The following PCDHGB1 variants were observed in gnomAD, a reference collection of about 807,000 sequenced individuals.
PCDHGB1 encodes protocadherin gamma-B1.
In PCDHGB1, 34 loss-of-function variants were observed where a neutral mutation model predicts 56.6. The ratio of observed to expected loss-of-function variants is 0.60; its 90% CI spans 0.46 to 0.80. The LOEUF (loss-of-function observed/expected upper bound fraction) is 0.80. Ranked by LOEUF, PCDHGB1 falls within the 30% of genes least tolerant of loss-of-function variation. The pLI is 0.00. For missense variants in PCDHGB1, 1,278 were observed against 1,204.6 expected, an observed-to-expected ratio of 1.06 and a Z score of -0.90; for synonymous variants, 561 against 505.9, an observed-to-expected ratio of 1.11 and a Z score of -1.46.
At chr5:141,424,540 T>G (rs944656560) in intron 1 of PCDHGB1, 1 of 152,244 alleles carries the variant, frequency 6.6e-6, no homozygotes, top group Admixed American at 6.5e-5. Flanking sequence ...TAGAAATAAC[T>G]TGATTTTGAT....
intron 1 of PCDHGB1, among the ~76,000 whole-genome samples, chr5:141,469,882 G>A (rs760102003): frequency 2.6e-5 from 4 of 152,280 alleles, no homozygotes; most frequent in Non-Finnish European, 4.4e-5. Context: ...TGTAATCTCG[G>A]CACTTTGGGA....
chr5:141,406,288 G>A (rs72790038), intron 1 of PCDHGB1, among the ~76,000 whole-genome samples: 9,719 of 151,928 alleles, frequency 0.064, 366 homozygotes, highest in African/African-American at 0.1. Context: ...CCAAAGCACT[G>A]GGTGAGGTGT....
Position 141,400,778 on chromosome 5 carries a change from T to A in PCDHGB1, c.2409+48109T>A, listed in dbSNP as rs1589424490. ...TCTCTAGCAAAAACATTTGGTGCGT[T>A]TTTTTGTCCTCTTTCTCAAAGCTAA... On this transcript the variant is annotated intron_variant, in intron 1 of 3. Coordinates refer to ENST00000523390, the MANE Select transcript of PCDHGB1 (RefSeq NM_018922.3). 6 of 568,120 alleles carry A rather than the reference T, an allele frequency of 1.1e-5. No individual in the cohort carries two copies. The East Asian group carries it at 1.7e-4, about 16-fold the overall frequency. 35.2% of individuals were successfully genotyped at this position (568,120 alleles called of 1,614,324 possible).
chr5:141,422,976 G>A lies in PCDHGB1; in HGVS notation c.2409+70307G>A, dbSNP rs558006468. On this transcript the variant is annotated intron_variant, in intron 1 of 3. Transcript: ENST00000523390. The stretch of plus-strand genomic sequence containing the variant: ...GCGTGGAGCTGGCGCCCCGCTCTGC[G>A]GAACCTGGCTACCTGGTGACCAAGG... 27 of 1,614,212 alleles carry A rather than the reference G, an allele frequency of 1.7e-5. No homozygotes were observed. In the East Asian group the frequency reaches 4.7e-4, roughly 28 times the overall value.
intron 1 of PCDHGB1, chr5:141,423,967 A>T (rs760284844): frequency 5.2e-6 from 6 of 1,153,616 alleles, no homozygotes; most frequent in Non-Finnish European, 6.5e-6. Context: ...TTTTTCTATT[A>T]TCAGTGTATG....
In PCDHGB1 at chr5:141,505,438, T is replaced by C. The variant is rs149352680; in HGVS notation, c.2514T>C (p.Phe838=). The C allele has an allele frequency of 6.8e-6, 11 of 1,614,046 alleles. No homozygotes were observed. The African/African-American group carries it at 1.5e-4, about 22-fold the overall frequency. The stretch of plus-strand genomic sequence containing the variant: ...CCGGCACCTGGCCCAACAACCAGTT[T>C]GACACAGAGATGCTGCAAGCCATGA... ...DDTGTWPNNQ[F]DTEMLQAMIL... Residue 838 remains phenylalanine, a synonymous_variant, in exon 3 of 4, where the codon TTT becomes TTC. Transcript: ENST00000523390.
intron 1 of PCDHGB1, chr5:141,393,324 C>T: frequency 6.2e-7 from 1 of 1,611,210 alleles, no homozygotes; most frequent in Admixed American, 1.7e-5. Context: ...CCAGAGCTAC[C>T]AGCTCAGCCC....
intron 2 of PCDHGB1, among the ~76,000 whole-genome samples, chr5:141,503,275 C>T (rs1466636672): frequency 1.3e-5 from 2 of 152,108 alleles, no homozygotes; most frequent in Non-Finnish European, 2.9e-5. Context: ...GCACCTGGCT[C>T]TGTGTCTGGT....
chr5:141,388,161 G>A (rs2150354529), intron 1 of PCDHGB1: 4 of 1,475,088 alleles, frequency 2.7e-6, no homozygotes, highest in South Asian at 1.2e-5. Flanking sequence ...GCTAGACAGG[G>A]AGGAGATATG....
Position 141,505,475 on chromosome 5 carries a change from G to A in PCDHGB1, c.2551G>A (p.Ala851Thr), listed in dbSNP as rs769108315. The A allele has an allele frequency of 2.2e-5, 35 of 1,614,098 alleles. No homozygotes were observed. Among genetic ancestry groups the A allele is most frequent in the South Asian group, 5.5e-5 (5 of 91,090 alleles). ...GCTGCAAGCCATGATCTTGGCGTCC[G>A]CCAGTGGTAAGTGGTGTCAGTGTGT... ...EMLQAMILAS[A>T]SEAADGSSTL... The change falls in exon 3 of 4, where the codon GCC becomes ACC. Residue 851 changes from alanine to threonine, a missense_variant. Physicochemically the swap from Ala to Thr is moderately conservative, Grantham distance 58. Transcript: ENST00000523390.
intron 1 of PCDHGB1, chr5:141,364,725 G>A (rs775854228): frequency 1.9e-6 from 3 of 1,613,828 alleles, no homozygotes; most frequent in African/African-American, 2.7e-5. Context: ...AACTTCCCGC[G>A]TTTCCGGGAT....
intron 1 of PCDHGB1, chr5:141,399,517 G>A: frequency 1.9e-6 from 3 of 1,613,998 alleles, no homozygotes; most frequent in Non-Finnish European, 2.5e-6. Flanking sequence ...CAACCCTCCT[G>A]GGGCCTCCAT....
intron 1 of PCDHGB1, chr5:141,384,198 C>T (rs539882096): frequency 6.2e-7 from 1 of 1,613,734 alleles, no homozygotes; most frequent in Non-Finnish European, 8.5e-7. Context: ...CTCCCTTGTC[C>T]AGGGAAACTC....
rs1004089667 is a variant in PCDHGB1, at chr5:141,497,399, C to G, written c.2468+2534C>G. The stretch of plus-strand genomic sequence containing the variant: ...TGGGGTGAGCACCTTACCCCTGCCT[C>G]AACTCCCATTCCATCAAATGAGAGG... On this transcript the variant is annotated intron_variant, in intron 2 of 3. Coordinates refer to ENST00000523390, the MANE Select transcript of PCDHGB1 (RefSeq NM_018922.3). Among the ~76,000 whole-genome samples the G allele has an allele frequency of 5.9e-5, 9 of 152,146 alleles. 1 individual carries two copies. The highest frequency in any genetic ancestry group is 1.2e-4 in the Non-Finnish European group (8 of 68,034).
chr5:141,382,310 C>T (rs1423976376), intron 1 of PCDHGB1, among the ~76,000 whole-genome samples: 1 of 152,178 alleles, frequency 6.6e-6, no homozygotes, highest in African/African-American at 2.4e-5. Flanking sequence ...AATTTATATA[C>T]ACTGATGTAA....
chr5:141,443,618 G>A (rs901899343), intron 1 of PCDHGB1, among the ~76,000 whole-genome samples: 2 of 152,178 alleles, frequency 1.3e-5, no homozygotes, highest in Non-Finnish European at 2.9e-5. Context: ...TTATAATCAG[G>A]TGATTGTAAA....
At chr5:141,395,004 A>T (rs2093147678) in intron 1 of PCDHGB1, 3 of 1,614,010 alleles carry the variant, frequency 1.9e-6, no homozygotes, top group Non-Finnish European at 2.5e-6. Context: ...TTCCGGTGGC[A>T]GATTGGTAGG....
chr5:141,367,135 G>T (rs1283969236), intron 1 of PCDHGB1: 6 of 204,902 alleles, frequency 2.9e-5, no homozygotes, highest in Non-Finnish European at 4.9e-5. Context: ...GTTTTGGAAA[G>T]GATAATGTAT....
rs528779386 is a variant in PCDHGB1, at chr5:141,509,416, C to T, written c.2558-1531C>T. Among the ~76,000 whole-genome samples, 4 of 152,258 alleles carry T rather than the reference C, an allele frequency of 2.6e-5. No individual in the cohort carries two copies. In the East Asian group the frequency reaches 7.7e-4, roughly 29 times the overall value. ...TCTCAGGGCCTCCAGCAGCGAGCCCCAATGAGTCAAACTCTTGTTTCCTCC... is the reference window on the plus strand; with the variant it reads ...TCTCAGGGCCTCCAGCAGCGAGCCCTAATGAGTCAAACTCTTGTTTCCTCC... On this transcript the variant is annotated intron_variant, in intron 3 of 3. Transcript: ENST00000523390.
Sources: allele counts gnomAD v4.1 joint callset (sites outside exome capture counted in the v4.1 genomes callset), GRCh38; gene constraint gnomAD v4.1.1; transcripts MANE v1.5; gene names NCBI Gene and HGNC (gene_info 2026-07-23, HGNC 2026-07-21).